The following ABCA13 variants were observed in gnomAD, a reference collection of about 807,000 sequenced individuals.
The protein encoded by ABCA13 is ATP-binding cassette sub-family A member 13.
Under a neutral mutation model 478.7 loss-of-function variants are expected in ABCA13, and 476 were observed. The observed-to-expected ratio is 0.99, with a 90% CI of 0.92 to 1.07. The LOEUF is 1.07. ABCA13 is among the 50% of genes least tolerant of loss of function. The pLI, the probability that ABCA13 is intolerant of heterozygous loss-of-function variation, is 0.00. For synonymous variants in ABCA13, 2,252 were observed against 2,158.9 expected (o/e 1.04, Z -1.20); for missense variants, 6,060 against 5,910.6 (o/e 1.03, Z -0.83).
At chr7:48,557,541 GT>G (rs2131238014) in intron 55 of ABCA13, among the ~76,000 whole-genome samples, 1 of 152,100 alleles carries the variant, frequency 6.6e-6, no homozygotes, top group African/African-American at 2.4e-5. Flanking sequence ...TGCCTGTAAG[GT>G]TTCCACTGAA....
intron 24 of ABCA13, among the ~76,000 whole-genome samples, chr7:48,311,961 G>A (rs915079420): frequency 5.3e-5 from 8 of 152,254 alleles, no homozygotes; most frequent in African/African-American, 1.4e-4. Context: ...CATAAGTCAG[G>A]GGCCAGTCAC....
At chr7:48,240,779 A>T in intron 9 of ABCA13, 88 bp from the exon 10 acceptor site, 1 of 1,077,056 alleles carries the variant, frequency 9.3e-7, no homozygotes, top group Non-Finnish European at 1.2e-6. Flanking sequence ...TCTGTCATCT[A>T]GAGTGGTATG....
At chr7:48,432,674 A>G (rs1362031473) in intron 42 of ABCA13, among the ~76,000 whole-genome samples, 1 of 152,204 alleles carries the variant, frequency 6.6e-6, no homozygotes, top group Non-Finnish European at 1.5e-5. Flanking sequence ...TTGTGACAAC[A>G]TGGATGAACC....
Position 48,244,697 on chromosome 7 carries a change from G to A in ABCA13, c.1384G>A (p.Val462Ile), listed in dbSNP as rs1391954499. 6.3e-7 allele frequency: 1 copy of A among 1,594,682 alleles called. No individual in the cohort carries two copies. ...RNAIAQNLHF[V>I]QEVLICLETS... ...TGCGATAGCTCAGAATTTACATTTT[G>A]TCCAAGGTAAGCTAGCTTTGGTGTT... is the stretch of plus-strand genomic sequence containing the variant. Residue 462 changes from valine (V) to isoleucine (I), a missense_variant, in exon 11 of 62, where the codon GTC (valine) becomes ATC (isoleucine). By Grantham distance (29) the Val-to-Ile change is conservative. Coordinates refer to ENST00000435803, the MANE Select transcript of ABCA13 (RefSeq NM_152701.5).
chr7:48,604,116 C>T (rs1358375719), intron 58 of ABCA13, among the ~76,000 whole-genome samples: 2 of 152,008 alleles, frequency 1.3e-5, no homozygotes, highest in African/African-American at 2.4e-5. Context: ...TTTGATTCTT[C>T]TCTCTTTTCT....
intron 42 of ABCA13, among the ~76,000 whole-genome samples, chr7:48,436,309 G>C (rs1404176911): frequency 6.6e-6 from 1 of 151,424 alleles, no homozygotes; most frequent in African/African-American, 2.4e-5. Context: ...CAAATATGTT[G>C]GTACACATTG....
intron 41 of ABCA13, among the ~76,000 whole-genome samples, chr7:48,423,607 C>T (rs1033460111): frequency 1.3e-5 from 2 of 152,118 alleles, no homozygotes; most frequent in African/African-American, 2.4e-5. Context: ...GTCATAAATG[C>T]CTAGACCTCA....
chr7:48,225,778 A>C (rs989691920), intron 5 of ABCA13, among the ~76,000 whole-genome samples: 4 of 152,160 alleles, frequency 2.6e-5, no homozygotes, highest in Non-Finnish European at 4.4e-5. Flanking sequence ...ATAGGAATGA[A>C]CCGATAGAGG....
intron 29 of ABCA13, among the ~76,000 whole-genome samples, chr7:48,347,592 C>A (rs888469242): frequency 2.0e-5 from 3 of 152,208 alleles, no homozygotes; most frequent in African/African-American, 7.2e-5. Flanking sequence ...CCAGTCCAGG[C>A]CAGCTGTCCA....
chr7:48,467,187 T>G, intron 44 of ABCA13, 142 bp downstream of exon 44: 1 of 800,812 alleles, frequency 1.2e-6, no homozygotes, highest in East Asian at 2.6e-5. Context: ...AATGACTAGG[T>G]TATTACTGAA....
At chr7:48,442,341 ACTGAGGTTTAGAGATGTTAT>A (rs1214357371) in intron 42 of ABCA13, among the ~76,000 whole-genome samples, 1 of 152,024 alleles carries the variant, frequency 6.6e-6, no homozygotes, top group Non-Finnish European at 1.5e-5. Flanking sequence ...AAACCTCTAA[ACTGAGGTTTAGAGATGTTAT>A]CTGATTTGCC....
At chr7:48,186,379 T>G (rs1386832517) in intron 1 of ABCA13, among the ~76,000 whole-genome samples, 1 of 152,066 alleles carries the variant, frequency 6.6e-6, no homozygotes, top group Non-Finnish European at 1.5e-5. Context: ...TATCTCTGGG[T>G]TCTTATTTTT....
rs1186280695 is a variant in ABCA13 at position 48,580,280 on chromosome 7, C to T, written c.14411C>T (p.Pro4804Leu). 2 of 1,611,878 alleles carry T rather than the reference C, an allele frequency of 1.2e-6. No individual in the cohort carries two copies. Among genetic ancestry groups the T allele is most frequent in the Non-Finnish European group, 1.7e-6 (2 of 1,179,156 alleles). The change falls in exon 56 of 62, where the codon CCC becomes CTC. Residue 4804 changes from proline (P) to leucine (L), a missense_variant. Coordinates refer to ENST00000435803, the MANE Select transcript of ABCA13 (RefSeq NM_152701.5). ...GCAGGCGTGCTCATTGGCTACTGTC[C>T]CCAGCAGGATGCCCTGGACGAGCTT... ...GTAGVLIGYC[P>L]QQDALDELLT...
At chr7:48,557,716 G>A (rs1785988899) in intron 55 of ABCA13, among the ~76,000 whole-genome samples, 1 of 151,626 alleles carries the variant, frequency 6.6e-6, no homozygotes, top group Non-Finnish European at 1.5e-5. Context: ...TATTTGTTTG[G>A]TGCAAAAGTA....
At chr7:48,538,934 C>T (rs994241249) in intron 55 of ABCA13, among the ~76,000 whole-genome samples, 2 of 152,176 alleles carry the variant, frequency 1.3e-5, no homozygotes, top group Non-Finnish European at 2.9e-5. Context: ...AGTTGGCCTA[C>T]AAACTTTGCT....
intron 38 of ABCA13, among the ~76,000 whole-genome samples, chr7:48,400,396 A>AG (rs1817440890): frequency 6.6e-6 from 1 of 152,244 alleles, no homozygotes; most frequent in South Asian, 2.1e-4. Flanking sequence ...ATTGGGTCAT[A>AG]ATAGGAGAAA....
intron 35 of ABCA13, among the ~76,000 whole-genome samples, chr7:48,387,551 T>C (rs908435797): frequency 1.3e-5 from 2 of 152,054 alleles, no homozygotes; most frequent in Non-Finnish European, 2.9e-5. Context: ...CCAAAAAGCA[T>C]GTATTGAACC....
At chr7:48,487,930 G>A (rs1829491853) in intron 47 of ABCA13, among the ~76,000 whole-genome samples, 2 of 152,188 alleles carry the variant, frequency 1.3e-5, no homozygotes, top group South Asian at 4.1e-4. Flanking sequence ...AAGGAACTTG[G>A]AATTTACCCT....
In ABCA13 at chr7:48,372,148, G is replaced by A; in HGVS notation, c.10804-20G>A. Reference sequence around the variant, plus strand: ...AGTACGCATGCTGTGGTAACCTTGGGTTTTTTCTCTTTTTGGTAGTATATG... The same window carrying A: ...AGTACGCATGCTGTGGTAACCTTGGATTTTTTCTCTTTTTGGTAGTATATG... On this transcript the variant is annotated intron_variant, in intron 32 of 61. Transcript: ENST00000435803. 6.3e-7 allele frequency: 1 copy of A among 1,597,418 alleles called. No homozygotes were observed. Among genetic ancestry groups the A allele is most frequent in the Non-Finnish European group, 8.5e-7 (1 of 1,169,876 alleles).
Sources: allele counts gnomAD v4.1 joint callset (sites outside exome capture counted in the v4.1 genomes callset), GRCh38; gene constraint gnomAD v4.1.1; transcripts MANE v1.5; gene names NCBI Gene and HGNC (gene_info 2026-07-23, HGNC 2026-07-21).